Variants in PLPPR5 observed in about 807,000 individuals in gnomAD.
The protein encoded by PLPPR5 is phospholipid phosphatase related 5.
In PLPPR5, 16 loss-of-function variants were observed where a neutral mutation model predicts 33.9. That is an observed-to-expected ratio of 0.47 (90% CI 0.32 to 0.72). PLPPR5 has a LOEUF of 0.72. Among genes scored for constraint, PLPPR5 ranks in the 30% least tolerant of loss-of-function variants. The pLI, the probability that PLPPR5 is intolerant of heterozygous loss-of-function variation, is 0.03. For synonymous variants in PLPPR5, 163 were observed against 150.3 expected, an observed-to-expected ratio of 1.08 and a Z score of -0.62; for missense variants, 301 against 406.7, an observed-to-expected ratio of 0.74 and a Z score of 2.23.
Position 98,993,571 on chromosome 1 carries a change from T to C in PLPPR5, c.237+10864A>G, listed in dbSNP as rs370802572. Among the ~76,000 whole-genome samples the C allele has an allele frequency of 7.6e-4, 116 of 152,152 alleles. 2 individuals carry two copies. The highest frequency in any genetic ancestry group is 6.8e-3 in the Middle Eastern group (2 of 294). ...AGACACATGTGAAGGAAGAGGACAT[T>C]GTCACCAACCCAAAAATACTGTCTA... On this transcript the variant is annotated intron_variant, in intron 1 of 5. Transcript: ENST00000263177.
intron 3 of PLPPR5, among the ~76,000 whole-genome samples, chr1:98,943,014 A>C (rs1476922675): frequency 6.6e-6 from 1 of 152,236 alleles, no homozygotes; most frequent in Non-Finnish European, 1.5e-5. Context: ...AGTGGGTCCC[A>C]ATTGTCATAA....
intron 1 of PLPPR5, chr1:98,991,087 C>T (rs1486571910): frequency 6.6e-6 from 1 of 151,828 alleles, no homozygotes; most frequent in African/African-American, 2.4e-5. Context: ...ATACTACATA[C>T]AATTGGAAGC....
At chr1:98,893,521 CA>C (rs1311540297) in intron 5 of PLPPR5, among the ~76,000 whole-genome samples, 2 of 148,352 alleles carry the variant, frequency 1.3e-5, no homozygotes, top group Non-Finnish European at 3.0e-5. Context: ...TGCTAGTTGA[CA>C]AAAATCTACT....
chr1:98,930,135 T>C (rs1329460), intron 3 of PLPPR5, among the ~76,000 whole-genome samples: 109,867 of 152,000 alleles, frequency 0.72, 40,127 homozygotes, highest in East Asian at 0.8. Context: ...GACATTTGGG[T>C]GAATTGAAGG....
In PLPPR5 at chr1:99,004,573, C is replaced by G. The variant is rs1477558301; in HGVS notation, c.99G>C (p.Thr33=). ...CCTGCACGTTCACGGTGAACGTGTC[C>G]GTATACTCGAAGTAGTACGCCAGCA... ...TVMLAYYFEY[T]DTFTVNVQGF... is the part of the protein sequence containing the mutation. The change falls in exon 1 of 6, where the codon ACG becomes ACC. Residue 33 remains threonine, a synonymous_variant. Coordinates refer to ENST00000263177, the MANE Select transcript of PLPPR5 (RefSeq NM_001037317.2). 1.2e-6 allele frequency: 2 copies of G among 1,612,964 alleles called. No homozygotes were observed. Among genetic ancestry groups the G allele is most frequent in the Non-Finnish European group, 1.7e-6 (2 of 1,179,770 alleles).
At position 98,914,327 on chromosome 1, in the gene PLPPR5, G is replaced by A. The variant is rs186692057; in HGVS notation, c.933+459C>T. Among the ~76,000 whole-genome samples, 43 of 152,276 alleles carry A rather than the reference G, an allele frequency of 2.8e-4. No individual in the cohort carries two copies. The Middle Eastern group carries it at 0.014, about 48-fold the overall frequency. ...TTGATACGGAGTCTCACTCTGTTGC[G>A]TAAGCTGGACTGCAGTGGCATGATC... On this transcript the variant is annotated intron_variant, in intron 5 of 5. Coordinates refer to ENST00000263177, the MANE Select transcript of PLPPR5 (RefSeq NM_001037317.2).
chr1:98,982,658 A>C (rs1652095746), intron 1 of PLPPR5, among the ~76,000 whole-genome samples: 1 of 152,072 alleles, frequency 6.6e-6, no homozygotes, highest in Non-Finnish European at 1.5e-5. Context: ...CACAAGTAAA[A>C]GCCAATTAAG....
At chr1:98,944,991 T>G (rs1650501920) in intron 3 of PLPPR5, among the ~76,000 whole-genome samples, 2 of 152,244 alleles carry the variant, frequency 1.3e-5, no homozygotes. Context: ...TATTCAGAGC[T>G]GCTCATTATA....
Position 98,981,836 on chromosome 1 carries a change from T to C in PLPPR5, c.237+22599A>G, listed in dbSNP as rs992890775. On this transcript the variant is annotated intron_variant, in intron 1 of 5. Transcript: ENST00000263177. ...TGATATTTCACAAATTAGGAAATCC[T>C]GAATTTCAATGAACAGTATCTATAA... Among the ~76,000 whole-genome samples, 4 of 152,222 alleles carry C rather than the reference T, an allele frequency of 2.6e-5. No individual in the cohort carries two copies. The East Asian group carries it at 7.8e-4, about 30-fold the overall frequency.
chr1:98,935,772 C>G (rs936333033), intron 3 of PLPPR5, among the ~76,000 whole-genome samples: 1 of 152,166 alleles, frequency 6.6e-6, no homozygotes, highest in Non-Finnish European at 1.5e-5. Flanking sequence ...ATGTTGATTA[C>G]TTGCTCACTC....
chr1:98,924,325 A>G (rs189192430), intron 3 of PLPPR5, among the ~76,000 whole-genome samples: 1 of 152,306 alleles, frequency 6.6e-6, no homozygotes, highest in East Asian at 1.9e-4. Context: ...CACTGTCGAG[A>G]AAAGACAGGC....
intron 2 of PLPPR5, among the ~76,000 whole-genome samples, chr1:98,956,158 C>A (rs190329483): frequency 1.2e-3 from 175 of 152,168 alleles, no homozygotes; most frequent in African/African-American, 3.9e-3. Flanking sequence ...TTATCACCAC[C>A]CTCCCACTAA....
In PLPPR5 at chr1:98,922,056, C is replaced by T. The variant is rs779007941; in HGVS notation, c.624G>A (p.Met208Ile). The T allele has an allele frequency of 1.9e-6, 3 of 1,586,480 alleles. No individual in the cohort carries two copies. The highest frequency in any genetic ancestry group is 2.6e-6 in the Non-Finnish European group (3 of 1,170,392). ...LSVYAAMYLT[M>I]YITNTIKAKG... ...TGGCTTTGATTGTGTTGGTGATGTACATCTGAAACATTCAATAAAAAAAAT... is the reference window on the plus strand; with the variant it reads ...TGGCTTTGATTGTGTTGGTGATGTATATCTGAAACATTCAATAAAAAAAAT... Residue 208 changes from methionine (M) to isoleucine (I), a missense_variant and splice_region_variant, in exon 4 of 6, where the codon ATG becomes ATA. By Grantham distance (10) the Met-to-Ile change is conservative. Transcript: ENST00000263177.
intron 3 of PLPPR5, among the ~76,000 whole-genome samples, chr1:98,926,605 C>A (rs563989793): frequency 2.6e-5 from 4 of 151,982 alleles, no homozygotes; most frequent in Non-Finnish European, 5.9e-5. Flanking sequence ...TTACCCTGGG[C>A]TCCTGAAATT....
At chr1:98,956,833 TTGAA>T (rs1651028388) in intron 1 of PLPPR5, 92 bp from the exon 2 acceptor site, 2 of 970,110 alleles carry the variant, frequency 2.1e-6, no homozygotes, top group East Asian at 5.9e-5. Context: ...TGGAGCCCCT[TTGAA>T]TGGTAATAAT....
chr1:98,909,069 GAAGGAAGAAAGGAAAGAAGA>G (rs1395302493), intron 5 of PLPPR5, among the ~76,000 whole-genome samples: 1 of 151,976 alleles, frequency 6.6e-6, no homozygotes, highest in African/African-American at 2.4e-5. Context: ...GGAAAAGAAG[GAAGGAAGAAAGGAAAGAAGA>G]AAGGAAGGAA....
rs759210315 is a variant in PLPPR5 at position 99,004,651 on chromosome 1, C to T, written c.21G>A (p.Ala7=). ...GGAAATAGAGCATGCTGCTGGTGAG[C>T]GCCGCGGGCAGCAGGGGCATGCACG... The part of the protein sequence containing the change: MPLLPA[A]LTSSMLYFQM... The change falls in exon 1 of 6, where the codon GCG becomes GCA. Residue 7 remains alanine, a synonymous_variant. Transcript: ENST00000263177. 6.2e-7 allele frequency: 1 copy of T among 1,611,478 alleles called. No individual in the cohort carries two copies. The highest frequency in any genetic ancestry group is 8.5e-7 in the Non-Finnish European group (1 of 1,179,202).
chr1:98,950,299 C>A (rs1650730429), intron 3 of PLPPR5, among the ~76,000 whole-genome samples: 1 of 152,004 alleles, frequency 6.6e-6, no homozygotes, highest in Non-Finnish European at 1.5e-5. Context: ...TGATAAATAA[C>A]TTTAAAAATA....
intron 3 of PLPPR5, among the ~76,000 whole-genome samples, chr1:98,925,528 A>C (rs1031906591): frequency 3.9e-5 from 6 of 152,204 alleles, no homozygotes; most frequent in African/African-American, 1.4e-4. Context: ...ACATATAAAA[A>C]GGTTTTGCTT....
Sources: gnomAD v4.1 joint callset for allele counts (sites outside exome capture counted in the v4.1 genomes callset) on GRCh38, gnomAD v4.1.1 for gene constraint, MANE v1.5 for transcripts, NCBI Gene and HGNC (gene_info 2026-07-23, HGNC 2026-07-21) for gene names.